The following WWP2 variants were observed in gnomAD, a reference collection of about 807,000 sequenced individuals.
WWP2 encodes the protein WW domain containing E3 ubiquitin protein ligase 2, also known as NEDD4-like E3 ubiquitin-protein ligase WWP2.
In WWP2, 57 loss-of-function variants were observed where a neutral mutation model predicts 121.0. That is an observed-to-expected ratio of 0.47 (90% confidence interval 0.38 to 0.59). The LOEUF (loss-of-function observed/expected upper bound fraction) is 0.59, where lower values mean the gene tolerates loss of function less well. Ranked by LOEUF, WWP2 falls within the 20% of genes least tolerant of loss-of-function variation. The pLI, the probability that WWP2 is intolerant of heterozygous loss-of-function variation, is 0.00. For missense variants in WWP2, 962 were observed against 1,158.9 expected, an observed-to-expected ratio of 0.83 and a Z score of 2.47; for synonymous variants, 449 against 441.3, an observed-to-expected ratio of 1.02 and a Z score of -0.22.
chr16:69,792,850 C>T (rs956988495), intron 2 of WWP2, among the ~76,000 whole-genome samples: 1 of 152,106 alleles, frequency 6.6e-6, no homozygotes, highest in Non-Finnish European at 1.5e-5. Context: ...AGCCACTACA[C>T]CTGGCTAATA....
In WWP2 at chr16:69,788,961, A is replaced by G. The variant is rs1406120851; in HGVS notation, c.70+1881A>G. On this transcript the variant is annotated intron_variant, in intron 2 of 23. Transcript: ENST00000359154. ...CTCAGCCTGGTCCTCCAGAGGCAAAATTGTGTCTCTTGGGAATATTTTTCT... is the reference window on the plus strand; with the variant it reads ...CTCAGCCTGGTCCTCCAGAGGCAAAGTTGTGTCTCTTGGGAATATTTTTCT... Among the ~76,000 whole-genome samples the G allele has an allele frequency of 2.0e-5, 3 of 152,160 alleles. No homozygotes were observed. The South Asian group carries it at 6.2e-4, about 32-fold the overall frequency.
At chr16:69,827,937 A>G (rs997296782) in intron 4 of WWP2, 2 of 455,376 alleles carry the variant, frequency 4.4e-6, no homozygotes, top group African/African-American at 4.0e-5. Context: ...TGAGAGATTT[A>G]CCAAGACGGA....
chr16:69,854,182 A>T (rs12019048), intron 6 of WWP2, among the ~76,000 whole-genome samples: 6 of 152,158 alleles, frequency 3.9e-5, no homozygotes, highest in Non-Finnish European at 7.3e-5. Context: ...TTTAGAGAGA[A>T]GCCAATAAAA....
intron 4 of WWP2, among the ~76,000 whole-genome samples, chr16:69,827,046 G>T (rs1460279739): frequency 6.6e-6 from 1 of 150,850 alleles, no homozygotes; most frequent in Non-Finnish European, 1.5e-5. Context: ...TTCATCTTTA[G>T]CTCCCATCTT....
intron 6 of WWP2, among the ~76,000 whole-genome samples, chr16:69,849,195 G>A (rs191333486): frequency 3.9e-5 from 6 of 152,272 alleles, no homozygotes; most frequent in African/African-American, 4.8e-5. Context: ...TGGGAGGGCC[G>A]GGGGAGAATT....
intron 1 of WWP2, among the ~76,000 whole-genome samples, chr16:69,770,861 G>C (rs73579458): frequency 0.25 from 37,580 of 151,666 alleles, 4,984 homozygotes; most frequent in East Asian, 0.4. Context: ...GGCTGGGCGT[G>C]GTGGCTCACA....
intron 9 of WWP2, among the ~76,000 whole-genome samples, chr16:69,916,591 C>G (rs965533955): frequency 6.6e-6 from 1 of 152,018 alleles, no homozygotes; most frequent in Admixed American, 6.6e-5. Flanking sequence ...AAGTCAGTGG[C>G]AGGGAGACTG....
At chr16:69,918,580 T>G (rs546767982) in intron 10 of WWP2, among the ~76,000 whole-genome samples, 46 of 152,332 alleles carry the variant, frequency 3.0e-4, no homozygotes, top group African/African-American at 1.1e-3. Context: ...TGTCTGACCC[T>G]TTGCTGAAAA....
intron 9 of WWP2, chr16:69,909,072 G>A: frequency 3.8e-6 from 5 of 1,323,442 alleles, no homozygotes; most frequent in South Asian, 1.9e-5. Context: ...GCGCATGGGA[G>A]GCCAAGATTT....
intron 4 of WWP2, among the ~76,000 whole-genome samples, chr16:69,835,016 G>A (rs374467215): frequency 2.0e-5 from 3 of 152,128 alleles, no homozygotes; most frequent in Non-Finnish European, 2.9e-5. Context: ...TGAACAGCAC[G>A]GATGCAGATA....
chr16:69,914,458 C>T (rs964870505), intron 9 of WWP2, among the ~76,000 whole-genome samples: 6 of 152,078 alleles, frequency 3.9e-5, no homozygotes, highest in East Asian at 1.9e-4. Flanking sequence ...TTCACAATTC[C>T]GATGGAAAAT....
At chr16:69,810,747 G>A (rs2056375792) in intron 4 of WWP2, among the ~76,000 whole-genome samples, 1 of 141,212 alleles carries the variant, frequency 7.1e-6, no homozygotes, top group Non-Finnish European at 1.5e-5. Flanking sequence ...CTTTTTACTA[G>A]AGGAATTTTC....
chr16:69,831,572 T>C (rs1349566076), intron 4 of WWP2, among the ~76,000 whole-genome samples: 3 of 152,108 alleles, frequency 2.0e-5, no homozygotes. Flanking sequence ...AAAAAGTAAC[T>C]CTTAGAAAAA....
Position 69,925,546 on chromosome 16 carries a change from C to A in WWP2, c.1234+62C>A. The A allele has an allele frequency of 2.5e-6, 4 of 1,586,562 alleles. No homozygotes were observed. Among genetic ancestry groups the A allele is most frequent in the South Asian group, 1.1e-5 (1 of 88,850 alleles). ...CGTCAGCCACGGTGCTCTGTCCTCT[C>A]CTCCCGCGTGTCTTCCTTCCCTGTT... is the stretch of plus-strand genomic sequence containing the variant. On this transcript the variant is annotated intron_variant, in intron 11 of 23. Coordinates refer to ENST00000359154, the MANE Select transcript of WWP2 (RefSeq NM_001270454.2). The surrounding 1 kb of genome is among the most constrained non-coding windows in gnomAD (Gnocchi z 4.0).
chr16:69,771,372 G>C (rs2055411727), intron 1 of WWP2, among the ~76,000 whole-genome samples: 1 of 152,126 alleles, frequency 6.6e-6, no homozygotes, highest in African/African-American at 2.4e-5. Flanking sequence ...CTCAGCTCCT[G>C]AGTAGCTGGG....
intron 4 of WWP2, among the ~76,000 whole-genome samples, chr16:69,836,641 C>T (rs1256262259): frequency 2.0e-5 from 3 of 152,250 alleles, no homozygotes; most frequent in Non-Finnish European, 4.4e-5. Flanking sequence ...GACAGGGTCT[C>T]GCTCTGTCAC....
chr16:69,820,757 G>A (rs1395817495), intron 4 of WWP2, among the ~76,000 whole-genome samples: 2 of 79,372 alleles, frequency 2.5e-5, no homozygotes, highest in African/African-American at 6.0e-5. Flanking sequence ...AGGTCTATGG[G>A]GGCAGGCGTT....
intron 6 of WWP2, among the ~76,000 whole-genome samples, chr16:69,851,263 G>A (rs4985447): frequency 0.54 from 81,889 of 151,214 alleles, 22,768 homozygotes; most frequent in East Asian, 0.9. Context: ...AGTGATCCAC[G>A]TGCCTTGGCC....
At chr16:69,924,048 C>T (rs2058603087) in intron 10 of WWP2, among the ~76,000 whole-genome samples, 1 of 152,318 alleles carries the variant, frequency 6.6e-6, no homozygotes, top group Admixed American at 6.5e-5. Flanking sequence ...GGTGAGCTTC[C>T]CCCACCTCCG....
Sources: gnomAD v4.1 joint callset for allele counts (sites outside exome capture counted in the v4.1 genomes callset) on GRCh38, gnomAD v4.1.1 for gene constraint, Gnocchi (gnomAD v3.1) non-coding constraint, MANE v1.5 for transcripts, NCBI Gene and HGNC (gene_info 2026-07-23, HGNC 2026-07-21) for gene names.